The following AHI1 variants were observed in gnomAD, a reference collection of about 807,000 sequenced individuals.
The protein encoded by AHI1 is Abelson helper integration site 1.
AHI1 carries 123 observed loss-of-function variants against 149.3 expected under a neutral mutation model. That is an observed-to-expected ratio of 0.82 (90% CI 0.71 to 0.96). The LOEUF (loss-of-function observed/expected upper bound fraction) is 0.96, where lower values mean the gene tolerates loss of function less well. Ranked by LOEUF, AHI1 falls within the 40% of genes least tolerant of loss-of-function variation. AHI1 has a pLI of 0.00. For synonymous variants in AHI1, 475 were observed against 459.8 expected (o/e 1.03, Z -0.42); for missense variants, 1,439 against 1,422.7 (o/e 1.01, Z -0.18).
rs541101458 is a variant in AHI1 at position 135,406,276 on chromosome 6, A to G, written c.2962-1299T>C. On this transcript the variant is annotated intron_variant, in intron 21 of 28. Coordinates refer to ENST00000265602, the MANE Select transcript of AHI1 (RefSeq NM_001134831.2). ...TGCTCAAAATCTGGAATACCTATTAATTTTTTTATCTATAAATTTCTAAGA... is the reference window on the plus strand; with the variant it reads ...TGCTCAAAATCTGGAATACCTATTAGTTTTTTTATCTATAAATTTCTAAGA... Among the ~76,000 whole-genome samples, 181 of 152,298 alleles carry G rather than the reference A, an allele frequency of 1.2e-3. 1 individual carries two copies. The highest frequency in any genetic ancestry group is 4.2e-3 in the African/African-American group (174 of 41,552).
intron 24 of AHI1, among the ~76,000 whole-genome samples, chr6:135,333,785 T>C (rs1257196069): frequency 6.6e-6 from 1 of 152,182 alleles, no homozygotes; most frequent in Non-Finnish European, 1.5e-5. Flanking sequence ...AGTACTCAGA[T>C]TATATATCTG....
intron 28 of AHI1, chr6:135,286,677 TATAAAACAC>T (rs1781725943): frequency 6.6e-6 from 1 of 152,230 alleles, no homozygotes; most frequent in Non-Finnish European, 1.5e-5. Flanking sequence ...TATCTTTTCA[TATAAAACAC>T]ATTTACACAT....
intron 24 of AHI1, among the ~76,000 whole-genome samples, chr6:135,327,316 C>T (rs905280507): frequency 7.9e-5 from 12 of 152,176 alleles, no homozygotes; most frequent in African/African-American, 2.9e-4. Flanking sequence ...CCGTTTTCCA[C>T]ACTATTAAGC....
chr6:135,496,118 CTAATT>C (rs1795930463), intron 2 of AHI1, among the ~76,000 whole-genome samples: 1 of 151,898 alleles, frequency 6.6e-6, no homozygotes, highest in Admixed American at 6.6e-5. Flanking sequence ...GAAATCATCT[CTAATT>C]TTTTTTTTTT....
At chr6:135,412,207 G>T (rs9494237) in intron 20 of AHI1, among the ~76,000 whole-genome samples, 2,289 of 152,114 alleles carry the variant, frequency 0.015, 68 homozygotes, top group African/African-American at 0.053. Context: ...AATACAGTAT[G>T]ATAACTATTT....
Position 135,467,648 on chromosome 6 carries a change from CATA to C in AHI1, c.136-17_136-15del, listed in dbSNP as rs937785458. On this transcript the variant is annotated splice_polypyrimidine_tract_variant and intron_variant, in intron 5 of 28. Coordinates refer to ENST00000265602, the MANE Select transcript of AHI1 (RefSeq NM_001134831.2). ...AATAGTGTCAGGCTAAAAAGGAAGA[CATA>C]ATAAAGTTTCAGCTAAGCGTAGATT... is the stretch of plus-strand genomic sequence containing the variant. The C allele has an allele frequency of 6.3e-7, 1 of 1,584,982 alleles. No homozygotes were observed. Among genetic ancestry groups the C allele is most frequent in the African/African-American group, 1.3e-5 (1 of 74,286 alleles).
intron 20 of AHI1, among the ~76,000 whole-genome samples, chr6:135,420,659 A>T (rs1783019628): frequency 6.6e-6 from 1 of 152,146 alleles, no homozygotes; most frequent in African/African-American, 2.4e-5. Flanking sequence ...CACAGCCTTC[A>T]CAGACTTTAA....
At chr6:135,496,687 G>A (rs1288880447) in intron 2 of AHI1, among the ~76,000 whole-genome samples, 1 of 152,046 alleles carries the variant, frequency 6.6e-6, no homozygotes, top group East Asian at 1.9e-4. Flanking sequence ...ATCATTGGGA[G>A]AAAAAACTGA....
At chr6:135,419,487 T>C (rs571195593) in intron 20 of AHI1, among the ~76,000 whole-genome samples, 4 of 151,930 alleles carry the variant, frequency 2.6e-5, no homozygotes, top group South Asian at 2.1e-4. Flanking sequence ...ATAAAGCATA[T>C]ATCTCAATAA....
intron 26 of AHI1, among the ~76,000 whole-genome samples, chr6:135,304,733 G>A (rs1313756448): frequency 5.3e-5 from 8 of 152,040 alleles, no homozygotes; most frequent in Non-Finnish European, 7.4e-5. Context: ...ATTGTGCCAC[G>A]GCACTCCAAC....
intron 5 of AHI1, among the ~76,000 whole-genome samples, chr6:135,482,659 C>CT (rs1389426586): frequency 1.3e-5 from 2 of 151,654 alleles, no homozygotes; most frequent in African/African-American, 4.8e-5. Flanking sequence ...TCTTTTACAT[C>CT]TTTTTTATGT....
intron 26 of AHI1, among the ~76,000 whole-genome samples, chr6:135,317,308 C>A (rs995208773): frequency 6.6e-6 from 1 of 151,610 alleles, no homozygotes; most frequent in African/African-American, 2.4e-5. Flanking sequence ...GAGTATGCTA[C>A]GCTCTTCTGT....
At chr6:135,292,011 A>G (rs1562441900) in intron 27 of AHI1, among the ~76,000 whole-genome samples, 3 of 152,194 alleles carry the variant, frequency 2.0e-5, no homozygotes, top group Non-Finnish European at 4.4e-5. Flanking sequence ...ATGTCATCAA[A>G]GAATGTAGAG....
At chr6:135,323,838 T>A (rs532165140) in intron 24 of AHI1, among the ~76,000 whole-genome samples, 28 of 152,344 alleles carry the variant, frequency 1.8e-4, no homozygotes, top group Non-Finnish European at 3.1e-4. Flanking sequence ...TTTGATGTTT[T>A]ATATCAACAA....
At chr6:135,418,482 T>C (rs1197812377) in intron 20 of AHI1, among the ~76,000 whole-genome samples, 1 of 152,162 alleles carries the variant, frequency 6.6e-6, no homozygotes, top group Non-Finnish European at 1.5e-5. Flanking sequence ...TTTGTGTATG[T>C]TCTTGAGTTA....
At chr6:135,419,647 G>A (rs527973669) in intron 20 of AHI1, among the ~76,000 whole-genome samples, 1 of 152,154 alleles carries the variant, frequency 6.6e-6, no homozygotes, top group African/African-American at 2.4e-5. Flanking sequence ...AATCATCTAT[G>A]TCTTCAGTTA....
chr6:135,330,748 G>A (rs1442307167), intron 24 of AHI1, among the ~76,000 whole-genome samples: 2 of 152,180 alleles, frequency 1.3e-5, no homozygotes, highest in Non-Finnish European at 2.9e-5. Context: ...CACACTGAAG[G>A]ACAAAAACAG....
intron 5 of AHI1, among the ~76,000 whole-genome samples, chr6:135,482,676 A>G (rs957477416): frequency 6.6e-6 from 1 of 151,522 alleles, no homozygotes; most frequent in East Asian, 1.9e-4. Flanking sequence ...ATGTTTTCCT[A>G]TTCCTCTCCT....
Position 135,455,932 on chromosome 6 carries a change from C to CA in AHI1, c.1152-7dup, listed in dbSNP as rs773371042. The CA allele has an allele frequency of 2.3e-5, 32 of 1,395,694 alleles. No homozygotes were observed. Among genetic ancestry groups the CA allele is most frequent in the African/African-American group, 2.9e-5 (2 of 69,350 alleles). The allele number at this position is 1,395,694 out of a possible 1,614,324, so 86.5% of individuals were successfully genotyped here. ...AAGATGAAACAGGCCGTCCACTGTA[C>CA]AAAAAAAGATACTTCCATTAACACA... On this transcript the variant is annotated splice_region_variant and splice_polypyrimidine_tract_variant and intron_variant, in intron 9 of 28. Transcript: ENST00000265602.
Sources: allele counts gnomAD v4.1 joint callset (sites outside exome capture counted in the v4.1 genomes callset), GRCh38; gene constraint gnomAD v4.1.1; transcripts MANE v1.5; gene names NCBI Gene and HGNC (gene_info 2026-07-23, HGNC 2026-07-21).